Variants in USP34 observed in about 807,000 individuals in gnomAD.
The protein encoded by USP34 is ubiquitin carboxyl-terminal hydrolase 34.
USP34 carries 70 observed loss-of-function variants against 460.3 expected under a neutral mutation model. That is an observed-to-expected ratio of 0.15 (90% CI 0.13 to 0.19). The LOEUF (loss-of-function observed/expected upper bound fraction) is 0.19, where lower values mean the gene tolerates loss of function less well. USP34 is among the 10% of genes least tolerant of loss of function. The pLI is 1.00. For missense variants in USP34, 3,985 were observed against 4,236.2 expected (o/e 0.94, Z 1.65); for synonymous variants, 1,647 against 1,405.3 (o/e 1.17, Z -3.85).
chr2:61,448,963 TG>T (rs1695193680), intron 1 of USP34, among the ~76,000 whole-genome samples: 1 of 152,156 alleles, frequency 6.6e-6, no homozygotes, highest in African/African-American at 2.4e-5. Flanking sequence ...GAGACCAGCC[TG>T]GCCAACATGG....
chr2:61,344,082 T>A, intron 15 of USP34, 53 bp from the exon 16 acceptor site: 4 of 1,551,260 alleles, frequency 2.6e-6, no homozygotes, highest in Non-Finnish European at 3.5e-6. Flanking sequence ...GAATCTAATT[T>A]GTGAACCACA....
intron 49 of USP34, among the ~76,000 whole-genome samples, chr2:61,248,016 G>A (rs548131434): frequency 1.3e-5 from 2 of 152,022 alleles, no homozygotes; most frequent in East Asian, 3.9e-4. Flanking sequence ...GCGAAACCTT[G>A]TCTCTACTAA....
intron 1 of USP34, among the ~76,000 whole-genome samples, chr2:61,434,637 T>C (rs1694763504): frequency 1.3e-5 from 2 of 152,134 alleles, no homozygotes; most frequent in African/African-American, 4.8e-5. Context: ...CAAATGTCAC[T>C]AGTACAGATT....
chr2:61,425,358 A>C (rs1441087009), intron 1 of USP34, among the ~76,000 whole-genome samples: 1 of 152,136 alleles, frequency 6.6e-6, no homozygotes, highest in Non-Finnish European at 1.5e-5. Context: ...TGAAGGGAGA[A>C]ACAACAGTCC....
At chr2:61,449,416 CAG>C (rs1281929573) in intron 1 of USP34, among the ~76,000 whole-genome samples, 1 of 151,318 alleles carries the variant, frequency 6.6e-6, no homozygotes, top group Non-Finnish European at 1.5e-5. Context: ...CAATCTCTAC[CAG>C]AATTCCAGCT....
At chr2:61,295,359 AAACT>A (rs1689992924) in intron 30 of USP34, 69 bp from the exon 31 acceptor site, 13 of 1,484,610 alleles carry the variant, frequency 8.8e-6, no homozygotes, top group Non-Finnish European at 1.2e-5. Context: ...AACTTTAAAC[AAACT>A]GACACTACAT....
chr2:61,464,561 T>C (rs577758625), intron 1 of USP34, among the ~76,000 whole-genome samples: 8 of 150,854 alleles, frequency 5.3e-5, no homozygotes, highest in Non-Finnish European at 8.9e-5. Context: ...ACCAAACGAA[T>C]ACACAGAGTA....
intron 1 of USP34, among the ~76,000 whole-genome samples, chr2:61,446,326 T>C (rs745916306): frequency 3.3e-5 from 5 of 152,122 alleles, no homozygotes; most frequent in Non-Finnish European, 7.4e-5. Flanking sequence ...ACTGTCCTGA[T>C]TGAAGTATAT....
intron 1 of USP34, among the ~76,000 whole-genome samples, chr2:61,437,767 C>T (rs888891397): frequency 8.3e-5 from 4 of 48,302 alleles, no homozygotes; most frequent in East Asian, 6.9e-4. Flanking sequence ...AGCGAGACTC[C>T]GTCTCAAAAA....
At chr2:61,211,045 GTAGT>G (rs1414186243) in intron 69 of USP34, among the ~76,000 whole-genome samples, 25 of 152,254 alleles carry the variant, frequency 1.6e-4, no homozygotes, top group Non-Finnish European at 2.6e-4. Flanking sequence ...CGGCAAAGGC[GTAGT>G]TAATTTCCCT....
chr2:61,254,067 C>T (rs962997350), intron 48 of USP34, among the ~76,000 whole-genome samples: 2 of 152,156 alleles, frequency 1.3e-5, no homozygotes, highest in Non-Finnish European at 2.9e-5. Context: ...ATGATTTATG[C>T]TTGATTCCAT....
Position 61,246,452 on chromosome 2 carries a change from T to G in USP34, c.6420A>C (p.Ser2140=). The part of the protein sequence containing the change: ...KEGFKEVSDH[S]KDSESYEYDL... ...CATATTCATAGCTCTCTGAGTCTTT[T>G]GAATGATCACTGACTTCTTTAAAAC... Residue 2140 remains serine (S), a synonymous_variant, in exon 50 of 80, where the codon TCA becomes TCC. Transcript: ENST00000398571. 6.3e-7 allele frequency: 1 copy of G among 1,587,778 alleles called. No homozygotes were observed. The highest frequency in any genetic ancestry group is 1.2e-5 in the South Asian group (1 of 85,418).
At chr2:61,208,168 A>T (rs2103779034) in intron 70 of USP34, 1 of 152,250 alleles carries the variant, frequency 6.6e-6, no homozygotes, top group East Asian at 1.9e-4. Flanking sequence ...CTCTCATACT[A>T]TTCAAAGTCA....
At chr2:61,232,136 G>C (rs184745614) in intron 58 of USP34, among the ~76,000 whole-genome samples, 10 of 152,140 alleles carry the variant, frequency 6.6e-5, no homozygotes, top group African/African-American at 1.7e-4. Flanking sequence ...AATGTGTAAG[G>C]ATTTTAAAAG....
At chr2:61,300,356 T>C (rs1401118775) in intron 29 of USP34, among the ~76,000 whole-genome samples, 2 of 151,856 alleles carry the variant, frequency 1.3e-5, no homozygotes, top group Non-Finnish European at 2.9e-5. Context: ...GCCCAGCTAA[T>C]TTTTGTATTT....
chr2:61,206,731 C>CA lies in USP34; in HGVS notation c.9046+28dup. ...TCTCTCTCTTTACTAGTAGCACGAACAAAACATAAGAAGTAGGAATGAGCA... is the reference window on the plus strand; with the variant it reads ...TCTCTCTCTTTACTAGTAGCACGAACAAAAACATAAGAAGTAGGAATGAGCA... On this transcript the variant is annotated intron_variant, in intron 71 of 79. Transcript: ENST00000398571. 3 of 1,607,576 alleles carry CA rather than the reference C, an allele frequency of 1.9e-6. 1 individual carries two copies. The Admixed American group carries it at 5.1e-5, about 27-fold the overall frequency.
At position 61,259,786 on chromosome 2, in the gene USP34, AAGAGAAAACACCATTAAAAACAC is replaced by A; in HGVS notation, c.5779-33_5779-11del. The A allele has an allele frequency of 1.2e-6, 2 of 1,611,842 alleles. No individual in the cohort carries two copies. Among genetic ancestry groups the A allele is most frequent in the Non-Finnish European group, 1.7e-6 (2 of 1,179,514 alleles). The stretch of plus-strand genomic sequence containing the variant: ...TCATATCCTCTGAATACTGAAAATC[AAGAGAAAACACCATTAAAAACAC>A]AGACATGATGGTAGTAAATTAGGCA... On this transcript the variant is annotated splice_polypyrimidine_tract_variant and intron_variant, in intron 43 of 79. Coordinates refer to ENST00000398571, the MANE Select transcript of USP34 (RefSeq NM_014709.4).
At chr2:61,469,817 A>C (rs1156808637) in intron 1 of USP34, among the ~76,000 whole-genome samples, 2 of 152,208 alleles carry the variant, frequency 1.3e-5, no homozygotes, top group African/African-American at 4.8e-5. Flanking sequence ...GTTGATTTGC[A>C]ATATATCTTC....
chr2:61,342,223 G>A (rs1467783192), intron 16 of USP34, among the ~76,000 whole-genome samples: 1 of 150,898 alleles, frequency 6.6e-6, no homozygotes, highest in Non-Finnish European at 1.5e-5. Flanking sequence ...GTATGTAGTA[G>A]TGCCTCACTG....
Sources: allele counts gnomAD v4.1 joint callset (sites outside exome capture counted in the v4.1 genomes callset), GRCh38; gene constraint gnomAD v4.1.1; transcripts MANE v1.5; gene names NCBI Gene and HGNC (gene_info 2026-07-23, HGNC 2026-07-21).